ARMH3: variants seen among roughly 807,000 people sequenced by gnomAD.
ARMH3 encodes the protein armadillo-like helical domain-containing protein 3.
In ARMH3, 60 loss-of-function variants were observed where a neutral mutation model predicts 99.1. That is an observed-to-expected ratio of 0.61 (90% CI 0.49 to 0.75). The LOEUF (loss-of-function observed/expected upper bound fraction) is 0.75, where lower values mean the gene tolerates loss of function less well. Ranked by LOEUF, ARMH3 falls within the 30% of genes least tolerant of loss-of-function variation. ARMH3 has a pLI of 0.00. For synonymous variants in ARMH3, 285 were observed against 292.8 expected, an observed-to-expected ratio of 0.97 and a Z score of 0.27; for missense variants, 679 against 843.1, an observed-to-expected ratio of 0.81 and a Z score of 2.41.
At chr10:101,860,691 C>A (rs1306203525) in intron 24 of ARMH3, among the ~76,000 whole-genome samples, 1 of 152,156 alleles carries the variant, frequency 6.6e-6, no homozygotes, top group African/African-American at 2.4e-5. Flanking sequence ...CTGAACAATT[C>A]TCAGAGTTCA....
At chr10:101,891,910 A>G (rs2067701438) in intron 23 of ARMH3, among the ~76,000 whole-genome samples, 1 of 151,900 alleles carries the variant, frequency 6.6e-6, no homozygotes, top group Non-Finnish European at 1.5e-5. Flanking sequence ...GGAGTTCAAG[A>G]TCAGCCTGGG....
rs1279439420 is a variant in ARMH3 at position 102,011,680 on chromosome 10, T to C, written c.831+43A>G. On this transcript the variant is annotated intron_variant, in intron 11 of 25. Transcript: ENST00000370033. Reference sequence around the variant, plus strand: ...ATTTGTCCACCCCTGCAGACCACACTGTTTCTGTTTTTTTCAGGAGAAAAA... The same window carrying C: ...ATTTGTCCACCCCTGCAGACCACACCGTTTCTGTTTTTTTCAGGAGAAAAA... The C allele has an allele frequency of 4.6e-6, 7 of 1,536,962 alleles. No individual in the cohort carries two copies. In the East Asian group the frequency reaches 1.6e-4, roughly 35 times the overall value.
intron 8 of ARMH3, among the ~76,000 whole-genome samples, chr10:102,023,019 C>G (rs2066921201): frequency 6.6e-6 from 1 of 151,936 alleles, no homozygotes; most frequent in Non-Finnish European, 1.5e-5. Flanking sequence ...AGAAACCTAT[C>G]TCCACTAAAA....
intron 5 of ARMH3, among the ~76,000 whole-genome samples, chr10:102,026,134 T>A (rs541675070): frequency 6.6e-6 from 1 of 151,990 alleles, no homozygotes; most frequent in East Asian, 1.9e-4. Context: ...AGCTGACAAA[T>A]CCAAACTAAT....
intron 23 of ARMH3, among the ~76,000 whole-genome samples, chr10:101,915,784 G>A (rs1312149539): frequency 6.6e-6 from 1 of 151,226 alleles, no homozygotes; most frequent in East Asian, 1.9e-4. Flanking sequence ...AATATCCCTT[G>A]GCACTATTGC....
chr10:102,015,494 G>A (rs997858797), intron 8 of ARMH3, among the ~76,000 whole-genome samples: 22 of 151,618 alleles, frequency 1.5e-4, no homozygotes, highest in African/African-American at 3.6e-4. Flanking sequence ...AGGTTCAAGC[G>A]ATTCTCCTGC....
At chr10:101,934,899 A>G (rs1398813831) in intron 23 of ARMH3, among the ~76,000 whole-genome samples, 3 of 152,026 alleles carry the variant, frequency 2.0e-5, no homozygotes, top group Non-Finnish European at 4.4e-5. Context: ...TTTAGCATAT[A>G]AGTCTTCAGA....
chr10:102,023,618 C>CA (rs2066936410), intron 7 of ARMH3, 55 bp from the exon 8 acceptor site: 2 of 1,610,032 alleles, frequency 1.2e-6, no homozygotes, highest in African/African-American at 1.3e-5. Context: ...CCTGAGAACA[C>CA]AGAGAAAATT....
chr10:101,999,302 A>G (rs2066293056), intron 15 of ARMH3, among the ~76,000 whole-genome samples: 1 of 151,620 alleles, frequency 6.6e-6, no homozygotes, highest in South Asian at 2.1e-4. Flanking sequence ...AGCGATTCTT[A>G]TGCCTCAGCC....
intron 1 of ARMH3, among the ~76,000 whole-genome samples, chr10:102,052,486 A>C (rs530539495): frequency 4.4e-4 from 67 of 152,302 alleles, no homozygotes; most frequent in African/African-American, 1.5e-3. Context: ...GGCCTCCCAA[A>C]GTGCTGGGAT....
At chr10:102,049,648 GCAGCCTCAGGGATCCTCTGACCT>G (rs978886489) in intron 1 of ARMH3, among the ~76,000 whole-genome samples, 7 of 149,178 alleles carry the variant, frequency 4.7e-5, no homozygotes, top group African/African-American at 1.7e-4. Flanking sequence ...ATGGCTCACT[GCAGCCTCAGGGATCCTCTGACCT>G]CAGCCTCCTG....
At chr10:101,964,944 G>T (rs1363313918) in intron 20 of ARMH3, among the ~76,000 whole-genome samples, 1 of 151,986 alleles carries the variant, frequency 6.6e-6, no homozygotes, top group Non-Finnish European at 1.5e-5. Context: ...ACCCAGAGGC[G>T]GAAGTTGCAG....
At chr10:101,940,213 C>T (rs192503557) in intron 22 of ARMH3, among the ~76,000 whole-genome samples, 69 of 152,290 alleles carry the variant, frequency 4.5e-4, no homozygotes, top group African/African-American at 1.6e-3. Flanking sequence ...CTCTGCTAAC[C>T]GGGTTCCATA....
At chr10:101,939,182 A>G (rs1024603238) in intron 23 of ARMH3, among the ~76,000 whole-genome samples, 1 of 152,222 alleles carries the variant, frequency 6.6e-6, no homozygotes, top group African/African-American at 2.4e-5. Context: ...TGTTTATAAG[A>G]ACAGTGTAAT....
In ARMH3 at chr10:101,962,175, G is replaced by A. The variant is rs149699676; in HGVS notation, c.1496-4443C>T. On this transcript the variant is annotated intron_variant, in intron 20 of 25. Transcript: ENST00000370033. The stretch of plus-strand genomic sequence containing the variant: ...TCAAAAGAGAATGGCATAGCTTGTC[G>A]CAGAGAATATCCTTTTGGGTAAGGG... Among the ~76,000 whole-genome samples the A allele has an allele frequency of 1.5e-4, 23 of 152,324 alleles. No individual in the cohort carries two copies. The East Asian group carries it at 4.2e-3, about 28-fold the overall frequency.
chr10:102,031,113 A>AT (rs1305199320), intron 4 of ARMH3, among the ~76,000 whole-genome samples: 1 of 152,158 alleles, frequency 6.6e-6, no homozygotes, highest in Non-Finnish European at 1.5e-5. Flanking sequence ...TTTAATAACT[A>AT]TAACAGTTAA....
At chr10:101,969,645 A>G (rs1157133829) in intron 20 of ARMH3, among the ~76,000 whole-genome samples, 1 of 152,258 alleles carries the variant, frequency 6.6e-6, no homozygotes, top group Non-Finnish European at 1.5e-5. Context: ...CTAAAAGGTC[A>G]GGCCATGTAC....
chr10:101,947,258 A>G (rs1054383061), intron 22 of ARMH3, among the ~76,000 whole-genome samples: 1 of 152,164 alleles, frequency 6.6e-6, no homozygotes, highest in African/African-American at 2.4e-5. Context: ...AAATGACTAC[A>G]GATTTATTTT....
intron 15 of ARMH3, among the ~76,000 whole-genome samples, chr10:101,996,447 G>A (rs560675029): frequency 1.3e-5 from 2 of 152,286 alleles, no homozygotes; most frequent in East Asian, 1.9e-4. Flanking sequence ...CTCAGAGATA[G>A]GCAATGCAAA....
Sources: gnomAD v4.1 joint callset for allele counts (sites outside exome capture counted in the v4.1 genomes callset) on GRCh38, gnomAD v4.1.1 for gene constraint, MANE v1.5 for transcripts, NCBI Gene and HGNC (gene_info 2026-07-23, HGNC 2026-07-21) for gene names.